ZBTB20: variants seen among roughly 807,000 people sequenced by gnomAD.
The protein encoded by ZBTB20 is zinc finger and BTB domain-containing protein 20.
A neutral mutation model predicts 56.9 loss-of-function variants in ZBTB20; 9 were observed. The ratio of observed to expected loss-of-function variants is 0.16; its 90% CI spans 0.10 to 0.28. The LOEUF is 0.28. ZBTB20 is among the 10% of genes least tolerant of loss of function. ZBTB20 has a pLI of 1.00. For missense variants in ZBTB20, 655 were observed against 1,003.0 expected (o/e 0.65, Z 4.69); for synonymous variants, 417 against 420.7 (o/e 0.99, Z 0.11).
chr3:114,350,364 G>T lies in ZBTB20; in HGVS notation c.1714C>A (p.Gln572Lys). The change falls in exon 11 of 12, where the codon CAA becomes AAA. Residue 572 changes from glutamine (Q) to lysine (K), a missense_variant. By Grantham distance (53) the Gln-to-Lys change is moderately conservative. Coordinates refer to ENST00000675478, the MANE Select transcript of ZBTB20 (RefSeq NM_001348800.3). Reference sequence around the variant, plus strand: ...CACTCATAAGGCTTTTTTTCGCCTTGCCCACTGGCTGTGCTGTGGCCTGCG... The same window carrying T: ...CACTCATAAGGCTTTTTTTCGCCTTTCCCACTGGCTGTGCTGTGGCCTGCG... ...SSAGHSTASG[Q>K]GEKKPYECTL... The T allele has an allele frequency of 6.2e-7, 1 of 1,613,874 alleles. No homozygotes were observed. Among genetic ancestry groups the T allele is most frequent in the Non-Finnish European group, 8.5e-7 (1 of 1,179,946 alleles).
rs550181207 is a variant in ZBTB20 at position 114,322,129 on chromosome 3, T to C, written c.*16876A>G. 5.3e-5 allele frequency: 8 copies of C among 152,224 alleles called. No individual in the cohort carries two copies. The highest frequency in any genetic ancestry group is 1.2e-4 in the Non-Finnish European group (8 of 68,042). 9.4% of individuals were successfully genotyped at this position (152,224 alleles called of 1,614,324 possible). ...TGGCTCTGGCCATACAGAACCCTGA[T>C]CTGCACTGTGTACATGCTGCCCTAT... is the stretch of plus-strand genomic sequence containing the variant. On this transcript the variant is annotated 3_prime_UTR_variant, in exon 12 of 12. Transcript: ENST00000675478.
intron 6 of ZBTB20, among the ~76,000 whole-genome samples, chr3:114,562,851 T>C (rs932577128): frequency 1.7e-4 from 26 of 152,302 alleles, no homozygotes; most frequent in African/African-American, 5.8e-4. Context: ...AAAACATTTA[T>C]TGATTAAATT....
chr3:114,540,457 T>C (rs1166245696), intron 6 of ZBTB20, among the ~76,000 whole-genome samples: 1 of 152,118 alleles, frequency 6.6e-6, no homozygotes, highest in East Asian at 1.9e-4. Flanking sequence ...GGGCTCCTCA[T>C]ACCTAGGCTA....
intron 10 of ZBTB20, among the ~76,000 whole-genome samples, chr3:114,373,003 G>A (rs1382353026): frequency 6.6e-6 from 1 of 151,768 alleles, no homozygotes; most frequent in Admixed American, 6.6e-5. Context: ...TGCAACCTCC[G>A]CCTCCTGGGT....
intron 6 of ZBTB20, among the ~76,000 whole-genome samples, chr3:114,662,021 C>A (rs1301418296): frequency 2.7e-5 from 4 of 150,760 alleles, no homozygotes; most frequent in East Asian, 2.0e-4. Context: ...GTCATCTAGC[C>A]TTAGGTATAT....
At chr3:114,672,248 C>T (rs36012804) in intron 6 of ZBTB20, among the ~76,000 whole-genome samples, 3,614 of 152,040 alleles carry the variant, frequency 0.024, 68 homozygotes, top group Non-Finnish European at 0.032. Flanking sequence ...AAATAAAAAA[C>T]GTAAAACCCA....
At chr3:114,781,800 C>T (rs2070118478) in intron 5 of ZBTB20, among the ~76,000 whole-genome samples, 1 of 152,152 alleles carries the variant, frequency 6.6e-6, no homozygotes, top group South Asian at 2.1e-4. Context: ...GAATAAGTCT[C>T]ATGAGATCTG....
At chr3:115,050,671 A>T (rs1012026799) in intron 2 of ZBTB20, among the ~76,000 whole-genome samples, 5 of 152,082 alleles carry the variant, frequency 3.3e-5, no homozygotes, top group South Asian at 2.1e-4. Flanking sequence ...TCAGTCACAT[A>T]CCATCTCACG....
intron 1 of ZBTB20, among the ~76,000 whole-genome samples, chr3:115,123,546 G>A (rs187584801): frequency 6.6e-6 from 1 of 152,262 alleles, no homozygotes; most frequent in Admixed American, 6.5e-5. Flanking sequence ...TCAATTCTCT[G>A]ACAAATATAC....
chr3:114,489,960 A>AT (rs2042555610), intron 7 of ZBTB20, among the ~76,000 whole-genome samples: 1 of 152,154 alleles, frequency 6.6e-6, no homozygotes, highest in African/African-American at 2.4e-5. Flanking sequence ...TGGAAGTTAT[A>AT]AACTTCCACC....
intron 1 of ZBTB20, among the ~76,000 whole-genome samples, chr3:115,087,353 T>C (rs2083025034): frequency 6.6e-6 from 1 of 152,014 alleles, no homozygotes; most frequent in South Asian, 2.1e-4. Flanking sequence ...TATATCTTCA[T>C]TACTTACATG....
chr3:114,768,440 C>T (rs1390966973), intron 5 of ZBTB20, among the ~76,000 whole-genome samples: 2 of 151,914 alleles, frequency 1.3e-5, no homozygotes, highest in Non-Finnish European at 2.9e-5. Flanking sequence ...GAACATTAGT[C>T]TAATACTTAC....
intron 3 of ZBTB20, among the ~76,000 whole-genome samples, chr3:114,919,320 C>A (rs534980359): frequency 6.6e-6 from 1 of 152,120 alleles, no homozygotes; most frequent in South Asian, 2.1e-4. Flanking sequence ...CAGGAAAAAA[C>A]CTCTAGTAGA....
At chr3:114,491,893 A>G (rs777221262) in intron 7 of ZBTB20, among the ~76,000 whole-genome samples, 11 of 152,138 alleles carry the variant, frequency 7.2e-5, no homozygotes, top group African/African-American at 9.7e-5. Flanking sequence ...TGTTTTGACC[A>G]CTTCAACAAA....
chr3:114,449,267 G>A (rs1241302302), intron 7 of ZBTB20, among the ~76,000 whole-genome samples: 1 of 152,128 alleles, frequency 6.6e-6, no homozygotes, highest in East Asian at 1.9e-4. Context: ...GACAAGTTCA[G>A]TTCTGTGTCA....
intron 5 of ZBTB20, among the ~76,000 whole-genome samples, chr3:114,760,481 G>C (rs1017642796): frequency 2.6e-5 from 4 of 152,132 alleles, no homozygotes; most frequent in African/African-American, 9.7e-5. Context: ...GAACATTCTA[G>C]GGAGAGGCAA....
intron 6 of ZBTB20, among the ~76,000 whole-genome samples, chr3:114,677,204 G>C (rs1367653958): frequency 1.3e-5 from 2 of 152,144 alleles, no homozygotes; most frequent in Non-Finnish European, 2.9e-5. Flanking sequence ...ATGAATTTAA[G>C]GTAGATCTTT....
intron 3 of ZBTB20, among the ~76,000 whole-genome samples, chr3:114,900,843 T>G (rs1189352151): frequency 6.6e-6 from 1 of 152,142 alleles, no homozygotes; most frequent in Non-Finnish European, 1.5e-5. Context: ...ACTTTGAATG[T>G]TCGTTAACTT....
chr3:114,728,343 T>C (rs1179028442), intron 5 of ZBTB20, among the ~76,000 whole-genome samples: 1 of 152,126 alleles, frequency 6.6e-6, no homozygotes, highest in African/African-American at 2.4e-5. Flanking sequence ...AGTATACCCA[T>C]TAGAAGGTGA....
Sources: gnomAD v4.1 joint callset for allele counts (sites outside exome capture counted in the v4.1 genomes callset) on GRCh38, gnomAD v4.1.1 for gene constraint, MANE v1.5 for transcripts, NCBI Gene and HGNC (gene_info 2026-07-23, HGNC 2026-07-21) for gene names.